ARID2: variants seen among roughly 807,000 people sequenced by gnomAD.
The protein encoded by ARID2 is AT-rich interactive domain-containing protein 2.
A neutral mutation model predicts 184.6 loss-of-function variants in ARID2; 32 were observed. That is an observed-to-expected ratio of 0.17 (90% CI 0.13 to 0.23). ARID2 has a LOEUF of 0.23. Ranked by LOEUF, ARID2 falls within the 10% of genes least tolerant of loss-of-function variation. The pLI is 1.00. For synonymous variants in ARID2, 836 were observed against 772.6 expected (o/e 1.08, Z -1.36); for missense variants, 1,696 against 2,197.6 (o/e 0.77, Z 4.56).
intron 16 of ARID2, among the ~76,000 whole-genome samples, chr12:45,864,125 G>T (rs1943796734): frequency 6.6e-6 from 1 of 151,984 alleles, no homozygotes; most frequent in Admixed American, 6.6e-5. Flanking sequence ...CCAAAGTGCT[G>T]GGATTACAGG....
chr12:45,741,165 T>C (rs140126966), intron 3 of ARID2, among the ~76,000 whole-genome samples: 2 of 152,300 alleles, frequency 1.3e-5, no homozygotes, highest in East Asian at 3.9e-4. Context: ...TTTATGATGC[T>C]TGTTTTCTAA....
intron 3 of ARID2, among the ~76,000 whole-genome samples, chr12:45,778,975 TATTA>T (rs1165681220): frequency 1.1e-4 from 16 of 152,200 alleles, no homozygotes; most frequent in African/African-American, 3.8e-4. Flanking sequence ...CTCATATCTT[TATTA>T]GTTTTTTAAC....
At chr12:45,898,865 G>A (rs1364416274) in intron 20 of ARID2, among the ~76,000 whole-genome samples, 1 of 152,226 alleles carries the variant, frequency 6.6e-6, no homozygotes. Flanking sequence ...AGTGAGCTGA[G>A]ATCATGCCAC....
At chr12:45,762,493 A>G (rs76342352) in intron 3 of ARID2, among the ~76,000 whole-genome samples, 178 of 152,378 alleles carry the variant, frequency 1.2e-3, no homozygotes, top group Non-Finnish European at 1.7e-3. Context: ...AATTCAGCCT[A>G]GTAAAAAGTA....
chr12:45,756,332 C>T (rs1260184330), intron 3 of ARID2, among the ~76,000 whole-genome samples: 1 of 152,172 alleles, frequency 6.6e-6, no homozygotes, highest in Non-Finnish European at 1.5e-5. Context: ...CTGGGATGTA[C>T]TTAGCATCAT....
At chr12:45,782,241 T>C (rs1307573611) in intron 3 of ARID2, among the ~76,000 whole-genome samples, 1 of 152,096 alleles carries the variant, frequency 6.6e-6, no homozygotes, top group Non-Finnish European at 1.5e-5. Context: ...AACACAAATA[T>C]ACAACATTAG....
chr12:45,849,546 A>G (rs1312286665), intron 13 of ARID2, 34 bp from the exon 14 acceptor site: 1 of 1,546,414 alleles, frequency 6.5e-7, no homozygotes, highest in Admixed American at 1.8e-5. Context: ...TGTGATAGTT[A>G]TCAAAACTTA....
At chr12:45,843,458 T>C (rs1284115604) in intron 11 of ARID2, among the ~76,000 whole-genome samples, 1 of 151,366 alleles carries the variant, frequency 6.6e-6, no homozygotes, top group African/African-American at 2.4e-5. Context: ...TTCTACCACC[T>C]GGGCTCAAGA....
chr12:45,790,840 A>C (rs538969438), intron 3 of ARID2, among the ~76,000 whole-genome samples: 38 of 152,292 alleles, frequency 2.5e-4, no homozygotes, highest in African/African-American at 8.9e-4. Context: ...TCATTTAGAT[A>C]TGATTTTTTT....
chr12:45,905,253 C>T lies in ARID2; in HGVS notation c.*175C>T. ...TGATCTCTGAGTGAATCCCTTTGTT[C>T]TCTGTTTAAAAAAATCTAAAAAGAA... is the stretch of plus-strand genomic sequence containing the variant. On this transcript the variant is annotated 3_prime_UTR_variant, in exon 21 of 21. Transcript: ENST00000334344. 3.7e-6 allele frequency: 2 copies of T among 535,530 alleles called. No individual in the cohort carries two copies. The allele number at this position is 535,530 out of a possible 1,614,324, so 33.2% of individuals were successfully genotyped here.
intron 3 of ARID2, among the ~76,000 whole-genome samples, chr12:45,790,511 G>A (rs1355733935): frequency 6.6e-6 from 1 of 152,036 alleles, no homozygotes; most frequent in Non-Finnish European, 1.5e-5. Context: ...GATTTTCTTT[G>A]TAAGGGTCCT....
At chr12:45,816,089 T>A (rs1460788004) in intron 4 of ARID2, among the ~76,000 whole-genome samples, 1 of 152,202 alleles carries the variant, frequency 6.6e-6, no homozygotes, top group Non-Finnish European at 1.5e-5. Context: ...AACTGCCCCG[T>A]TAGGATTCAG....
intron 3 of ARID2, among the ~76,000 whole-genome samples, chr12:45,779,069 T>G (rs1942039727): frequency 6.6e-6 from 1 of 152,118 alleles, no homozygotes. Context: ...TAATTTTAAC[T>G]TCTTTTTATT....
intron 3 of ARID2, among the ~76,000 whole-genome samples, chr12:45,734,319 A>T (rs1225353222): frequency 6.6e-6 from 1 of 152,204 alleles, no homozygotes; most frequent in African/African-American, 2.4e-5. Context: ...CAGTGAGCGG[A>T]GATCGTGCTA....
chr12:45,796,924 T>C lies in ARID2; in HGVS notation c.285-14494T>C, dbSNP rs968390499. 5.9e-5 allele frequency among the ~76,000 whole-genome samples: 9 copies of C among 152,344 alleles called. 1 individual carries two copies. Among genetic ancestry groups the C allele is most frequent in the Admixed American group, 4.6e-4 (7 of 15,304 alleles). On this transcript the variant is annotated intron_variant, in intron 3 of 20. Coordinates refer to ENST00000334344, the MANE Select transcript of ARID2 (RefSeq NM_152641.4). Reference sequence around the variant, plus strand: ...GTTAAATTATCCTTCAGAACCGATATAACACTATGTATTTCTACTCTCTGT... The same window carrying C: ...GTTAAATTATCCTTCAGAACCGATACAACACTATGTATTTCTACTCTCTGT...
At chr12:45,828,158 C>T (rs894970752) in intron 6 of ARID2, among the ~76,000 whole-genome samples, 4 of 152,000 alleles carry the variant, frequency 2.6e-5, no homozygotes, top group South Asian at 2.1e-4. Flanking sequence ...CTCTGAAGTA[C>T]GCCTATTCAT....
chr12:45,754,022 G>T (rs1358940265), intron 3 of ARID2, among the ~76,000 whole-genome samples: 2 of 152,140 alleles, frequency 1.3e-5, no homozygotes, highest in African/African-American at 4.8e-5. Flanking sequence ...CTACTAAAAA[G>T]TTATTTTTAA....
At chr12:45,762,447 A>G (rs1228558778) in intron 3 of ARID2, among the ~76,000 whole-genome samples, 1 of 152,190 alleles carries the variant, frequency 6.6e-6, no homozygotes, top group African/African-American at 2.4e-5. Context: ...TTCTACACTA[A>G]AGTAGTGATA....
chr12:45,751,181 C>T (rs1469410492), intron 3 of ARID2, among the ~76,000 whole-genome samples: 4 of 152,014 alleles, frequency 2.6e-5, no homozygotes, highest in Non-Finnish European at 5.9e-5. Flanking sequence ...GGTGTTAAAT[C>T]GTTAGACAAA....
Sources: allele counts gnomAD v4.1 joint callset (sites outside exome capture counted in the v4.1 genomes callset), GRCh38; gene constraint gnomAD v4.1.1; transcripts MANE v1.5; gene names NCBI Gene and HGNC (gene_info 2026-07-23, HGNC 2026-07-21).